The following FHIT variants were observed in gnomAD, a reference collection of about 807,000 sequenced individuals.
The protein encoded by FHIT is bis(5'-adenosyl)-triphosphatase.
A neutral mutation model predicts 17.9 loss-of-function variants in FHIT; 19 were observed. That is an observed-to-expected ratio of 1.06 (90% CI 0.74 to 1.56). The LOEUF (loss-of-function observed/expected upper bound fraction) is 1.56, where lower values mean the gene tolerates loss of function less well. FHIT is among the 40% of genes most tolerant of loss of function. The pLI is 0.00. For missense variants in FHIT, 248 were observed against 189.2 expected, an observed-to-expected ratio of 1.31 and a Z score of -1.82; for synonymous variants, 81 against 69.7, an observed-to-expected ratio of 1.16 and a Z score of -0.81.
rs1037542464 is a variant in FHIT, at chr3:59,749,571, G to GA, written c.*13dup. 1.3e-5 allele frequency: 3 copies of GA among 231,236 alleles called. No homozygotes were observed. The highest frequency in any genetic ancestry group is 2.6e-5 in the Non-Finnish European group (3 of 116,868). The allele number at this position is 231,236 out of a possible 1,614,324, so 14.3% of individuals were successfully genotyped here. ...GCTCTTTTGCTGGAATTCAGGATCT[G>GA]AAAAACATCTTAAGCCATTTTTAAA... On this transcript the variant is annotated 3_prime_UTR_variant, in exon 10 of 10. Coordinates refer to ENST00000492590, the MANE Select transcript of FHIT (RefSeq NM_002012.4).
chr3:60,938,237 T>C (rs186838956), intron 3 of FHIT, among the ~76,000 whole-genome samples: 2 of 152,172 alleles, frequency 1.3e-5, no homozygotes, highest in South Asian at 2.1e-4. Context: ...AGAGTCCAAA[T>C]AGGAAAAGAC....
intron 5 of FHIT, among the ~76,000 whole-genome samples, chr3:60,500,863 C>G (rs1354016893): frequency 1.3e-5 from 2 of 151,464 alleles, no homozygotes; most frequent in African/African-American, 4.9e-5. Flanking sequence ...CAGTGCCTGG[C>G]CCCTGGTAAG....
At chr3:60,656,434 T>G (rs1325163294) in intron 4 of FHIT, among the ~76,000 whole-genome samples, 4 of 152,206 alleles carry the variant, frequency 2.6e-5, no homozygotes, top group African/African-American at 9.6e-5. Flanking sequence ...GCTAACCTGC[T>G]ACCATGGGCC....
At chr3:60,619,072 A>G (rs574383701) in intron 4 of FHIT, among the ~76,000 whole-genome samples, 46 of 150,456 alleles carry the variant, frequency 3.1e-4, no homozygotes, top group Non-Finnish European at 6.0e-4. Context: ...GAGTCTGATA[A>G]TTTGTTACAG....
At chr3:59,982,644 G>C (rs769226006) in intron 7 of FHIT, among the ~76,000 whole-genome samples, 10 of 152,126 alleles carry the variant, frequency 6.6e-5, no homozygotes, top group Non-Finnish European at 1.3e-4. Flanking sequence ...TGCCGTACTT[G>C]CAGAAAGGGA....
intron 7 of FHIT, among the ~76,000 whole-genome samples, chr3:59,925,298 T>C (rs12492234): frequency 0.12 from 17,845 of 151,878 alleles, 1,473 homozygotes; most frequent in Admixed American, 0.16. Context: ...AGCAATGGAG[T>C]TCTCACTATG....
intron 2 of FHIT, among the ~76,000 whole-genome samples, chr3:61,162,996 CTTTA>C (rs557246481): frequency 1.5e-4 from 23 of 152,048 alleles, no homozygotes; most frequent in Non-Finnish European, 2.8e-4. Flanking sequence ...ATGATTTCAC[CTTTA>C]TTTGAGAATT....
chr3:59,969,464 C>T (rs750977077), intron 7 of FHIT, among the ~76,000 whole-genome samples: 6 of 152,146 alleles, frequency 3.9e-5, no homozygotes, highest in Non-Finnish European at 8.8e-5. Flanking sequence ...TTAATCCTAA[C>T]GCTTGAATTT....
At chr3:60,544,167 T>C (rs1416657913) in intron 4 of FHIT, among the ~76,000 whole-genome samples, 1 of 151,958 alleles carries the variant, frequency 6.6e-6, no homozygotes, top group Non-Finnish European at 1.5e-5. Context: ...TGGTCAGCTA[T>C]GTGGTAATGT....
At chr3:60,775,095 AT>A (rs1700175347) in intron 4 of FHIT, among the ~76,000 whole-genome samples, 1 of 152,186 alleles carries the variant, frequency 6.6e-6, no homozygotes, top group Non-Finnish European at 1.5e-5. Context: ...CTCCTTTCAT[AT>A]TAGTTTTTTA....
chr3:61,060,100 G>A (rs936614515), intron 2 of FHIT, among the ~76,000 whole-genome samples: 2 of 152,084 alleles, frequency 1.3e-5, no homozygotes, highest in African/African-American at 4.8e-5. Context: ...GCAGCCATCC[G>A]AGACCCTCAA....
At chr3:59,928,703 A>G (rs1705795726) in intron 7 of FHIT, among the ~76,000 whole-genome samples, 1 of 152,226 alleles carries the variant, frequency 6.6e-6, no homozygotes. Context: ...ACTGTAATAA[A>G]AAGGACAGAT....
chr3:60,121,709 A>AAAAC (rs1553690214), intron 5 of FHIT, among the ~76,000 whole-genome samples: 19 of 116,418 alleles, frequency 1.6e-4, no homozygotes, highest in African/African-American at 6.0e-4. Context: ...AAACAAAACA[A>AAAAC]ACACACACAC....
At chr3:60,158,176 G>A (rs150658106) in intron 5 of FHIT, among the ~76,000 whole-genome samples, 5 of 152,262 alleles carry the variant, frequency 3.3e-5, no homozygotes, top group African/African-American at 1.2e-4. Flanking sequence ...GGGCCTCACT[G>A]TTAGAAACTA....
chr3:60,209,322 G>A (rs1336298465), intron 5 of FHIT, among the ~76,000 whole-genome samples: 1 of 152,116 alleles, frequency 6.6e-6, no homozygotes, highest in East Asian at 1.9e-4. Flanking sequence ...ATTACGTCTA[G>A]GCACTGTAAC....
intron 5 of FHIT, among the ~76,000 whole-genome samples, chr3:60,130,464 G>C (rs1326437529): frequency 6.6e-6 from 1 of 152,094 alleles, no homozygotes; most frequent in Non-Finnish European, 1.5e-5. Context: ...GAGAGGTAAA[G>C]TCATTTCACA....
chr3:60,348,713 G>A (rs1455657427), intron 5 of FHIT, among the ~76,000 whole-genome samples: 1 of 152,202 alleles, frequency 6.6e-6, no homozygotes, highest in Non-Finnish European at 1.5e-5. Context: ...CTCACCTTTG[G>A]ATGCTTGGCT....
At chr3:60,039,145 T>C (rs1701338118) in intron 5 of FHIT, among the ~76,000 whole-genome samples, 1 of 152,198 alleles carries the variant, frequency 6.6e-6, no homozygotes, top group African/African-American at 2.4e-5. Flanking sequence ...TGTTTCCATG[T>C]GCTCTCTCCC....
At chr3:60,838,505 C>T (rs1575585157) in intron 3 of FHIT, among the ~76,000 whole-genome samples, 1 of 151,754 alleles carries the variant, frequency 6.6e-6, no homozygotes, top group South Asian at 2.1e-4. Flanking sequence ...AACAAACAAA[C>T]AAAAAACACA....
Sources: allele counts gnomAD v4.1 joint callset (sites outside exome capture counted in the v4.1 genomes callset), GRCh38; gene constraint gnomAD v4.1.1; transcripts MANE v1.5; gene names NCBI Gene and HGNC (gene_info 2026-07-23, HGNC 2026-07-21).